Variants in NFYC observed in about 807,000 individuals in gnomAD.
NFYC encodes the protein nuclear transcription factor Y subunit gamma.
NFYC carries 25 observed loss-of-function variants against 53.1 expected under a neutral mutation model. That is an observed-to-expected ratio of 0.47 (90% confidence interval 0.34 to 0.66). The LOEUF (loss-of-function observed/expected upper bound fraction) is 0.66. Among genes scored for constraint, NFYC ranks in the 30% least tolerant of loss-of-function variants. The pLI is 0.01. For synonymous variants in NFYC, 145 were observed against 152.6 expected (o/e 0.95, Z 0.37); for missense variants, 260 against 422.7 (o/e 0.62, Z 3.38).
At chr1:40,769,181 G>A (rs1646966991) in intron 8 of NFYC, 175 bp from the exon 9 acceptor site, 3 of 639,928 alleles carry the variant, frequency 4.7e-6, no homozygotes, top group Admixed American at 2.5e-5. Flanking sequence ...AACTCTTGAC[G>A]TAGCCATCAG....
intron 7 of NFYC, 130 bp downstream of exon 7, chr1:40,763,176 C>T: frequency 1.3e-6 from 1 of 761,792 alleles, no homozygotes; most frequent in Non-Finnish European, 2.0e-6. Context: ...ATATATATAC[C>T]TTGATATATA....
intron 3 of NFYC, 21 bp downstream of exon 3, chr1:40,747,626 A>T: frequency 1.3e-6 from 2 of 1,520,664 alleles, no homozygotes; most frequent in South Asian, 2.3e-5. Context: ...ATTCATTTTT[A>T]TTATTTCTTA....
At chr1:40,767,052 T>G in intron 8 of NFYC, 1 of 1,390,828 alleles carries the variant, frequency 7.2e-7, no homozygotes, top group Non-Finnish European at 1.0e-6. Context: ...TAAACCCAAG[T>G]GGCTGTTGTG....
At chr1:40,702,341 C>CTT (rs11307589) in intron 1 of NFYC, among the ~76,000 whole-genome samples, 2 of 118,914 alleles carry the variant, frequency 1.7e-5, no homozygotes, top group East Asian at 2.3e-4. Flanking sequence ...ATCTTCAGAA[C>CTT]TTTTTTTTTT....
At chr1:40,730,300 C>T (rs1379004537) in intron 1 of NFYC, among the ~76,000 whole-genome samples, 1 of 148,178 alleles carries the variant, frequency 6.7e-6, no homozygotes, top group Non-Finnish European at 1.5e-5. Flanking sequence ...CTTGGTGCCT[C>T]AAAGTTCTGG....
chr1:40,712,235 A>G (rs1050548030), intron 1 of NFYC, among the ~76,000 whole-genome samples: 5 of 152,192 alleles, frequency 3.3e-5, no homozygotes, highest in African/African-American at 1.2e-4. Context: ...GCATATTCCT[A>G]TTTATGCTGA....
intron 1 of NFYC, chr1:40,735,730 C>T (rs1644992208): frequency 1.0e-6 from 1 of 985,230 alleles, no homozygotes; most frequent in Non-Finnish European, 1.2e-6. Context: ...GAGGCCTGTC[C>T]AGGGACCCAT....
intron 1 of NFYC, chr1:40,695,501 A>C (rs1035977384): frequency 6.6e-6 from 1 of 151,926 alleles, no homozygotes; most frequent in Non-Finnish European, 1.5e-5. Flanking sequence ...GCTTACTGCA[A>C]CCTCTGTCTC....
At chr1:40,714,657 C>T (rs1172061812) in intron 1 of NFYC, among the ~76,000 whole-genome samples, 2 of 152,138 alleles carry the variant, frequency 1.3e-5, no homozygotes, top group African/African-American at 4.8e-5. Flanking sequence ...CTCTGTCACC[C>T]AGGCTAGAGT....
At chr1:40,754,987 T>C (rs758738213) in intron 5 of NFYC, among the ~76,000 whole-genome samples, 18 of 152,098 alleles carry the variant, frequency 1.2e-4, no homozygotes, top group Non-Finnish European at 1.0e-4. Context: ...CTTTGAAAGG[T>C]TGAGATTGCT....
intron 1 of NFYC, among the ~76,000 whole-genome samples, chr1:40,699,024 C>T (rs779715353): frequency 2.0e-5 from 3 of 151,868 alleles, no homozygotes; most frequent in African/African-American, 7.3e-5. Flanking sequence ...ATTAGCTGGG[C>T]GTGGTGGTGG....
intron 6 of NFYC, among the ~76,000 whole-genome samples, chr1:40,760,587 C>T (rs572211110): frequency 2.0e-5 from 3 of 152,020 alleles, no homozygotes; most frequent in South Asian, 2.1e-4. Context: ...GGCGTGGTGG[C>T]GGGCGCCTAT....
chr1:40,766,741 C>T (rs1408853558), intron 8 of NFYC, 38 bp downstream of exon 8: 1 of 1,590,528 alleles, frequency 6.3e-7, no homozygotes, highest in African/African-American at 1.3e-5. Flanking sequence ...TGTTGGAGAC[C>T]AGGAGCAGAT....
At chr1:40,704,701 T>C (rs1351491010) in intron 1 of NFYC, among the ~76,000 whole-genome samples, 1 of 152,152 alleles carries the variant, frequency 6.6e-6, no homozygotes, top group African/African-American at 2.4e-5. Flanking sequence ...TTAAAGGTCA[T>C]GATTGGGTTA....
rs112479993 is a variant in NFYC, at chr1:40,770,318, T to C, written c.889-391T>C. 6.2e-5 allele frequency: 84 copies of C among 1,350,842 alleles called. 7 individuals carry two copies. In the African/African-American group the frequency reaches 7.4e-4, roughly 12 times the overall value. 83.7% of individuals were successfully genotyped at this position (1,350,842 alleles called of 1,614,324 possible). On this transcript the variant is annotated intron_variant, in intron 9 of 9. Coordinates refer to ENST00000447388, the MANE Select transcript of NFYC (RefSeq NM_014223.5). This position sits in a 1 kb window ranked among gnomAD's most constrained non-coding sequence, Gnocchi z 5.3. ...GGGGTAATCCTACTGCCCCTGCCAG[T>C]GTAGATTACCAAGAGTTGGGGAAAT...
In NFYC at chr1:40,752,925, A is replaced by G. The variant is rs140905034; in HGVS notation, c.292-226A>G. Among the ~76,000 whole-genome samples the G allele has an allele frequency of 7.0e-3, 1,068 of 152,092 alleles. 8 individuals carry two copies. The highest frequency in any genetic ancestry group is 0.011 in the Non-Finnish European group (715 of 67,960). ...CAGTGGTTGGAGGCTCAGATACCCC[A>G]TTTTACAGTGTGAGTTACATGTATC... On this transcript the variant is annotated intron_variant, in intron 4 of 9. Coordinates refer to ENST00000447388, the MANE Select transcript of NFYC (RefSeq NM_014223.5).
At chr1:40,746,987 C>T (rs1339308246) in intron 2 of NFYC, among the ~76,000 whole-genome samples, 1 of 152,132 alleles carries the variant, frequency 6.6e-6, no homozygotes, top group Non-Finnish European at 1.5e-5. Flanking sequence ...GAGAAAGGAG[C>T]TCTCCTCCCC....
chr1:40,692,233 C>T (rs1642856011), intron 1 of NFYC: 2 of 159,570 alleles, frequency 1.3e-5, no homozygotes, highest in African/African-American at 4.8e-5. Flanking sequence ...CGGGGATGCG[C>T]GCGTCTTGGG....
chr1:40,695,062 C>T (rs1643051243), intron 1 of NFYC, among the ~76,000 whole-genome samples: 1 of 152,046 alleles, frequency 6.6e-6, no homozygotes, highest in Admixed American at 6.6e-5. Context: ...ACCAGCCTCG[C>T]ACACATGATG....
Sources: gnomAD v4.1 joint callset for allele counts (sites outside exome capture counted in the v4.1 genomes callset) on GRCh38, gnomAD v4.1.1 for gene constraint, Gnocchi (gnomAD v3.1) non-coding constraint, MANE v1.5 for transcripts, NCBI Gene and HGNC (gene_info 2026-07-23, HGNC 2026-07-21) for gene names.